PICALM: variants seen among roughly 807,000 people sequenced by gnomAD.
The protein encoded by PICALM is phosphatidylinositol binding clathrin assembly protein, also known as phosphatidylinositol-binding clathrin assembly protein.
In PICALM, 40 loss-of-function variants were observed where a neutral mutation model predicts 80.5. The ratio of observed to expected loss-of-function variants is 0.50; its 90% CI spans 0.39 to 0.65. The LOEUF (loss-of-function observed/expected upper bound fraction) is 0.65, where lower values mean the gene tolerates loss of function less well. PICALM is among the 30% of genes least tolerant of loss of function. PICALM has a pLI of 0.00. For synonymous variants in PICALM, 288 were observed against 260.3 expected (o/e 1.11, Z -1.02); for missense variants, 676 against 778.9 (o/e 0.87, Z 1.57).
chr11:86,061,699 T>G (rs755882228), intron 1 of PICALM, among the ~76,000 whole-genome samples: 3 of 152,184 alleles, frequency 2.0e-5, no homozygotes, highest in Non-Finnish European at 2.9e-5. Context: ...AGAGGTTTCT[T>G]GCAAAACTAA....
intron 13 of PICALM, among the ~76,000 whole-genome samples, chr11:85,987,825 T>C (rs1249830560): frequency 6.6e-6 from 1 of 152,236 alleles, no homozygotes; most frequent in African/African-American, 2.4e-5. Flanking sequence ...CCTAGCAAAG[T>C]GCTAGATGTT....
In PICALM at chr11:85,976,751, A is replaced by G. The variant is rs377010610; in HGVS notation, c.1780-69T>C. The G allele has an allele frequency of 8.5e-5, 74 of 865,524 alleles. No homozygotes were observed. In the African/African-American group the frequency reaches 1.1e-3, roughly 13 times the overall value. 53.6% of individuals were successfully genotyped at this position (865,524 alleles called of 1,614,324 possible). A position where few individuals can be genotyped will look rare whatever the true frequency, so the allele number is the denominator to read the frequency against. On this transcript the variant is annotated intron_variant, in intron 17 of 19. Transcript: ENST00000393346. ...GTGTGTCAACTGAGTTCAAGGAATT[A>G]GTAGCTGTAGTTCCACTAAAAAGAA...
chr11:85,999,265 C>T (rs1327323639), intron 11 of PICALM, among the ~76,000 whole-genome samples: 7 of 152,142 alleles, frequency 4.6e-5, no homozygotes, highest in Non-Finnish European at 1.0e-4. Flanking sequence ...TAGATATAAA[C>T]GCATTTAGTG....
chr11:86,053,491 C>T (rs1452450499), intron 1 of PICALM, among the ~76,000 whole-genome samples: 5 of 152,166 alleles, frequency 3.3e-5, no homozygotes, highest in African/African-American at 1.2e-4. Flanking sequence ...AAATTAACTG[C>T]CAAATTTAAT....
intron 1 of PICALM, among the ~76,000 whole-genome samples, chr11:86,040,400 C>G (rs936711289): frequency 1.3e-4 from 19 of 151,728 alleles, no homozygotes; most frequent in African/African-American, 4.1e-4. Flanking sequence ...AGGTCTCCCC[C>G]TCTGTTGCCC....
At position 86,000,974 on chromosome 11, in the gene PICALM, C is replaced by T. The variant is rs1009131353; in HGVS notation, c.1017+61G>A. The T allele has an allele frequency of 2.5e-6, 4 of 1,588,372 alleles. No homozygotes were observed. The Admixed American group carries it at 5.1e-5, about 20-fold the overall frequency. On this transcript the variant is annotated intron_variant, in intron 10 of 19. Transcript: ENST00000393346. ...TAAGACTCTAAGTCTGTGCAGAGGCCCCATTTACCTAATGAACACCTGTAC... is the reference window on the plus strand; with the variant it reads ...TAAGACTCTAAGTCTGTGCAGAGGCTCCATTTACCTAATGAACACCTGTAC...
At chr11:86,010,984 C>T (rs908762203) in intron 7 of PICALM, 46 bp downstream of exon 7, 3 of 798,812 alleles carry the variant, frequency 3.8e-6, no homozygotes. Flanking sequence ...TCCATACTTA[C>T]AGACAAAAAG....
chr11:85,960,399 C>A (rs745861569), intron 19 of PICALM, among the ~76,000 whole-genome samples: 15 of 152,098 alleles, frequency 9.9e-5, no homozygotes, highest in Admixed American at 6.5e-4. Context: ...ATTCACTTGC[C>A]CTTAATTAAA....
chr11:86,013,930 G>A (rs2095439720), intron 5 of PICALM, among the ~76,000 whole-genome samples: 1 of 152,130 alleles, frequency 6.6e-6, no homozygotes, highest in Non-Finnish European at 1.5e-5. Context: ...TACTATTGAG[G>A]ACACTGAAGT....
At chr11:86,013,761 T>C (rs1010611846) in intron 5 of PICALM, among the ~76,000 whole-genome samples, 4 of 152,224 alleles carry the variant, frequency 2.6e-5, no homozygotes, top group African/African-American at 9.6e-5. Flanking sequence ...CCATGCCTTC[T>C]AGAGCAGGGG....
chr11:86,000,548 G>A, intron 11 of PICALM, 95 bp downstream of exon 11: 2 of 906,556 alleles, frequency 2.2e-6, no homozygotes, highest in South Asian at 3.6e-5. Context: ...GATTATAAAA[G>A]CATAAATAAA....
intron 11 of PICALM, among the ~76,000 whole-genome samples, chr11:85,997,584 C>G (rs185790585): frequency 6.6e-6 from 1 of 152,314 alleles, no homozygotes; most frequent in Non-Finnish European, 1.5e-5. Context: ...GATTCTCCTG[C>G]CTTAGCCTCC....
Position 85,981,929 on chromosome 11 carries a change from G to C in PICALM, c.1591C>G (p.Pro531Ala). ...TCATCAGATACTAACTTGCTAGGTG[G>C]GAGTTTGGCAACAGGAAGGTTCTGG... Reference protein sequence around the residue: ...QNQNLPVAKLPPSKLVSDDLD... With the variant: ...QNQNLPVAKLAPSKLVSDDLD... Residue 531 changes from proline to alanine, a missense_variant, in exon 15 of 20, where the codon CCA becomes GCA. By Grantham distance (27) the Pro-to-Ala change is conservative. Transcript: ENST00000393346. 1 of 1,613,532 alleles carries C rather than the reference G, an allele frequency of 6.2e-7. No individual in the cohort carries two copies. Among genetic ancestry groups the C allele is most frequent in the South Asian group, 1.1e-5 (1 of 91,074 alleles).
At chr11:85,974,472 CA>C in intron 19 of PICALM, 1 of 627,150 alleles carries the variant, frequency 1.6e-6, no homozygotes, top group Non-Finnish European at 3.0e-6. Flanking sequence ...TTGGATCTAC[CA>C]ACTATAAGTT....
chr11:85,973,777 C>T (rs2094186083), intron 19 of PICALM, among the ~76,000 whole-genome samples: 1 of 152,118 alleles, frequency 6.6e-6, no homozygotes, highest in African/African-American at 2.4e-5. Flanking sequence ...AATAACAAGT[C>T]CACTAAGCAA....
chr11:85,984,117 T>C (rs1043343491), intron 13 of PICALM, 144 bp from the exon 14 acceptor site: 1 of 562,394 alleles, frequency 1.8e-6, no homozygotes, highest in African/African-American at 2.0e-5. Flanking sequence ...ATGTTTTCTA[T>C]ATCACATTTT....
chr11:86,056,102 T>C (rs1408755775), intron 1 of PICALM, among the ~76,000 whole-genome samples: 1 of 112,116 alleles, frequency 8.9e-6, no homozygotes, highest in East Asian at 2.5e-4. Context: ...ACCACTGCAC[T>C]CTAGCCTGGG....
Position 86,011,072 on chromosome 11 carries a change from T to C in PICALM, c.723A>G (p.Leu241=). ...ACTCTGAGATTCTTGTCATCCTAGTTAGGAACTTCTTATAGATGTCAAGAC... is the reference window on the plus strand; with the variant it reads ...ACTCTGAGATTCTTGTCATCCTAGTCAGGAACTTCTTATAGATGTCAAGAC... The part of the protein sequence containing the change: ...KEGLDIYKKF[L]TRMTRISEFL... Residue 241 remains leucine (L), a synonymous_variant, in exon 7 of 20, where the codon CTA becomes CTG. Coordinates refer to ENST00000393346, the MANE Select transcript of PICALM (RefSeq NM_007166.4). 1 of 1,560,238 alleles carries C rather than the reference T, an allele frequency of 6.4e-7. No homozygotes were observed. Among genetic ancestry groups the C allele is most frequent in the South Asian group, 1.2e-5 (1 of 86,544 alleles).
chr11:85,981,113 A>G lies in PICALM; in HGVS notation c.1779+16T>C, dbSNP rs151012359. 1.6e-4 allele frequency: 193 copies of G among 1,228,322 alleles called. 1 individual carries two copies. Among genetic ancestry groups the G allele is most frequent in the Middle Eastern group, 1.1e-3 (6 of 5,318 alleles). The allele number at this position is 1,228,322 out of a possible 1,614,324, so 76.1% of individuals were successfully genotyped here. The stretch of plus-strand genomic sequence containing the variant: ...ATTATTCAACTGTTAGTCTATCAGG[A>G]GCTTTTTCAACTCACCATTGTTGCA... On this transcript the variant is annotated intron_variant, in intron 17 of 19. Coordinates refer to ENST00000393346, the MANE Select transcript of PICALM (RefSeq NM_007166.4).
Sources: allele counts gnomAD v4.1 joint callset (sites outside exome capture counted in the v4.1 genomes callset), GRCh38; gene constraint gnomAD v4.1.1; transcripts MANE v1.5; gene names NCBI Gene and HGNC (gene_info 2026-07-23, HGNC 2026-07-21).